RPS6KA2: variants seen among roughly 807,000 people sequenced by gnomAD.
The protein encoded by RPS6KA2 is ribosomal protein S6 kinase A2.
Under a neutral mutation model 91.8 loss-of-function variants are expected in RPS6KA2, and 42 were observed. That is an observed-to-expected ratio of 0.46 (90% CI 0.36 to 0.59). The LOEUF (loss-of-function observed/expected upper bound fraction) is 0.59, where lower values mean the gene tolerates loss of function less well. Ranked by LOEUF, RPS6KA2 falls within the 20% of genes least tolerant of loss-of-function variation. RPS6KA2 has a pLI of 0.00. For synonymous variants in RPS6KA2, 414 were observed against 393.6 expected (o/e 1.05, Z -0.61); for missense variants, 798 against 978.5 (o/e 0.82, Z 2.46).
intron 2 of RPS6KA2, among the ~76,000 whole-genome samples, chr6:166,831,159 C>G (rs1780173473): frequency 6.6e-6 from 1 of 152,132 alleles, no homozygotes; most frequent in South Asian, 2.1e-4. Flanking sequence ...TCCACACTGA[C>G]AATGCAGCTG....
chr6:166,802,448 T>C (rs1779390679), intron 2 of RPS6KA2, among the ~76,000 whole-genome samples: 1 of 152,174 alleles, frequency 6.6e-6, no homozygotes, highest in African/African-American at 2.4e-5. Context: ...TCTCGGATTT[T>C]GGAAGGTCTT....
intron 1 of RPS6KA2, among the ~76,000 whole-genome samples, chr6:166,541,061 C>T (rs1583259339): frequency 6.6e-6 from 1 of 152,354 alleles, no homozygotes; most frequent in Admixed American, 6.5e-5. Flanking sequence ...ACCTACAGGA[C>T]TAGCACGCGC....
In RPS6KA2 at chr6:166,504,526, G is replaced by C; in HGVS notation, c.546C>G (p.Tyr182Ter). 3 of 1,612,000 alleles carry C rather than the reference G, an allele frequency of 1.9e-6. No individual in the cohort carries two copies. Among genetic ancestry groups the C allele is most frequent in the Non-Finnish European group, 2.5e-6 (3 of 1,178,532 alleles). ...CTTACTTCTCAGGCTTCAGATCTCT[G>C]TAGATGATCCCCAGGCTGTGGAGAT... ...LDHLHSLGII[Y>*]RDLKPENILL... is the part of the protein sequence containing the mutation. Residue 182 changes from tyrosine to a stop codon, truncating the protein, a stop_gained, in exon 6 of 21, where the codon TAC becomes TAG. Transcript: ENST00000265678. LOFTEE classifies it high-confidence loss of function.
upstream of RPS6KA2, among the ~76,000 whole-genome samples, chr6:166,630,574 G>C (rs991110475): frequency 6.6e-6 from 1 of 152,218 alleles, no homozygotes; most frequent in Non-Finnish European, 1.5e-5. Flanking sequence ...TGCGAAAGCA[G>C]GAAGTCGTGC....
At chr6:166,468,574 A>C (rs957304523) in intron 11 of RPS6KA2, among the ~76,000 whole-genome samples, 2 of 152,106 alleles carry the variant, frequency 1.3e-5, no homozygotes, top group African/African-American at 4.8e-5. Flanking sequence ...GGACATAAAG[A>C]AGACAGAGGC....
intron 2 of RPS6KA2, among the ~76,000 whole-genome samples, chr6:166,537,262 T>C (rs562156721): frequency 6.6e-6 from 1 of 152,282 alleles, no homozygotes; most frequent in African/African-American, 2.4e-5. Context: ...AAAGAATGCT[T>C]GCTTGTCTCT....
rs1357144460 is a variant in RPS6KA2 at position 166,648,475 on chromosome 6, A to C, written c.124-109691T>G. On this transcript the variant is annotated intron_variant, in intron 2 of 21. Transcript: ENST00000503859. This position sits in a 1 kb window ranked among gnomAD's most constrained non-coding sequence, Gnocchi z 4.8. ...CTGGGCAAGAATTACTTGAGAGCAG[A>C]AGCCATGTCTCATTTGACAAACAGG... 6.6e-6 allele frequency among the ~76,000 whole-genome samples: 1 copy of C among 152,250 alleles called. No homozygotes were observed. The highest frequency in any genetic ancestry group is 1.5e-5 in the Non-Finnish European group (1 of 68,040).
At chr6:166,597,283 C>A (rs913773110) in intron 1 of RPS6KA2, among the ~76,000 whole-genome samples, 4 of 152,148 alleles carry the variant, frequency 2.6e-5, no homozygotes, top group Non-Finnish European at 5.9e-5. Flanking sequence ...AGGACACAGC[C>A]CCCGAGGACG....
intron 8 of RPS6KA2, among the ~76,000 whole-genome samples, chr6:166,492,950 T>TCAA (rs1781657210): frequency 6.6e-6 from 1 of 151,120 alleles, no homozygotes; most frequent in East Asian, 1.9e-4. Context: ...CAGGCTGAAC[T>TCAA]GGAACTCCTG....
intron 1 of RPS6KA2, among the ~76,000 whole-genome samples, chr6:166,609,779 C>T (rs911241177): frequency 5.3e-4 from 81 of 152,130 alleles, no homozygotes; most frequent in African/African-American, 1.8e-3. Context: ...AGATTACAGG[C>T]GTGAGCCACC....
chr6:166,721,297 CAA>C (rs1790167178), intron 2 of RPS6KA2, among the ~76,000 whole-genome samples: 1 of 152,160 alleles, frequency 6.6e-6, no homozygotes, highest in Non-Finnish European at 1.5e-5. Context: ...CAGCCTCCAA[CAA>C]GAGAGGGAAA....
At chr6:166,611,419 T>C (rs1484655485) in intron 1 of RPS6KA2, among the ~76,000 whole-genome samples, 4 of 152,230 alleles carry the variant, frequency 2.6e-5, no homozygotes, top group African/African-American at 7.2e-5. Flanking sequence ...TCATCCGACA[T>C]GACCTATCCT....
intron 2 of RPS6KA2, among the ~76,000 whole-genome samples, chr6:166,700,510 T>G (rs1287243418): frequency 2.6e-5 from 4 of 152,194 alleles, no homozygotes; most frequent in African/African-American, 9.7e-5. Context: ...AAGAACAATT[T>G]TGCTTTTCAT....
At chr6:166,837,454 G>A (rs912164418) in intron 2 of RPS6KA2, among the ~76,000 whole-genome samples, 8 of 152,306 alleles carry the variant, frequency 5.3e-5, no homozygotes, top group African/African-American at 1.9e-4. Context: ...ACTGGCTAAG[G>A]GCTCTGTACC....
At chr6:166,474,729 A>G (rs1303209040) in intron 10 of RPS6KA2, among the ~76,000 whole-genome samples, 1 of 152,182 alleles carries the variant, frequency 6.6e-6, no homozygotes, top group Non-Finnish European at 1.5e-5. Flanking sequence ...TATGGTATAA[A>G]CTTCCATCAG....
At chr6:166,845,655 T>C (rs531730749) in intron 2 of RPS6KA2, among the ~76,000 whole-genome samples, 1 of 152,284 alleles carries the variant, frequency 6.6e-6, no homozygotes, top group South Asian at 2.1e-4. Flanking sequence ...AAAAAATTAT[T>C]TGAGCTGAAC....
intron 2 of RPS6KA2, among the ~76,000 whole-genome samples, chr6:166,814,085 A>G (rs1779702567): frequency 6.6e-6 from 1 of 152,206 alleles, no homozygotes; most frequent in South Asian, 2.1e-4. Context: ...TGAAATATAC[A>G]TAATGTTTTT....
intron 1 of RPS6KA2, among the ~76,000 whole-genome samples, chr6:166,591,698 G>A (rs913595379): frequency 2.0e-5 from 3 of 152,152 alleles, no homozygotes; most frequent in Non-Finnish European, 2.9e-5. Context: ...GTATAGTCTC[G>A]GAAATCCACC....
chr6:166,716,800 A>T (rs1484783244), intron 2 of RPS6KA2, among the ~76,000 whole-genome samples: 2 of 152,260 alleles, frequency 1.3e-5, no homozygotes, highest in African/African-American at 4.8e-5. Context: ...GTGATCATTT[A>T]TGCCATCTTT....
Sources: gnomAD v4.1 joint callset for allele counts (sites outside exome capture counted in the v4.1 genomes callset) on GRCh38, gnomAD v4.1.1 for gene constraint, Gnocchi (gnomAD v3.1) non-coding constraint, MANE v1.5 for transcripts, NCBI Gene and HGNC (gene_info 2026-07-23, HGNC 2026-07-21) for gene names.